Variants in OSBPL9 observed in about 807,000 individuals in gnomAD.
OSBPL9 encodes the protein oxysterol binding protein like 9.
In OSBPL9, 40 loss-of-function variants were observed where a neutral mutation model predicts 106.6. That is an observed-to-expected ratio of 0.38 (90% confidence interval 0.29 to 0.49). The LOEUF (loss-of-function observed/expected upper bound fraction) is 0.49. Among genes scored for constraint, OSBPL9 ranks in the 20% least tolerant of loss-of-function variants. The pLI is 0.97. For missense variants in OSBPL9, 609 were observed against 887.2 expected (o/e 0.69, Z 3.98); for synonymous variants, 269 against 295.4 (o/e 0.91, Z 0.92).
chr1:51,571,744 G>A, the OSBPL9 span, among the ~76,000 whole-genome samples: 1 of 152,292 alleles, frequency 6.6e-6, no homozygotes. Flanking sequence ...AACCAGGGAA[G>A]ACTTCACGGA....
At chr1:51,577,934 G>A (rs1645196002) in intron 1 of OSBPL9, among the ~76,000 whole-genome samples, 1 of 152,164 alleles carries the variant, frequency 6.6e-6, no homozygotes. Context: ...GAAATCACGT[G>A]TGAGAAAAGC....
intron 6 of OSBPL9, among the ~76,000 whole-genome samples, chr1:51,747,398 A>G (rs1668210305): frequency 6.6e-6 from 1 of 152,264 alleles, no homozygotes. Context: ...CCAACCAGCA[A>G]GAATGTTCAG....
intron 5 of OSBPL9, 121 bp from the exon 6 acceptor site, chr1:51,746,589 C>A: frequency 2.3e-4 from 133 of 574,660 alleles, no homozygotes; most frequent in East Asian, 3.8e-4. Flanking sequence ...TTGAAAATAA[C>A]ATATAAATCA....
chr1:51,536,159 C>T, the OSBPL9 span, among the ~76,000 whole-genome samples: 8 of 152,122 alleles, frequency 5.3e-5, no homozygotes, highest in Admixed American at 5.2e-4. Flanking sequence ...TGACATAGTG[C>T]TTATATACAG....
At chr1:51,768,900 A>G (rs1032552979) in intron 12 of OSBPL9, among the ~76,000 whole-genome samples, 8 of 152,166 alleles carry the variant, frequency 5.3e-5, no homozygotes, top group African/African-American at 9.7e-5. Flanking sequence ...TTTATGTCCA[A>G]CTAACCCACT....
Position 51,706,536 on chromosome 1 carries a change from C to T in OSBPL9, c.242-7467C>T, listed in dbSNP as rs1273416599. 4.0e-5 allele frequency among the ~76,000 whole-genome samples: 6 copies of T among 151,864 alleles called. No individual in the cohort carries two copies. In the East Asian group the frequency reaches 1.2e-3, roughly 29 times the overall value. ...ATTTCATTAGTTATTTTTAGGTAAC[C>T]AACTTAGGCTTTAGTGACCTATCTA... On this transcript the variant is annotated intron_variant, in intron 3 of 23. Coordinates refer to ENST00000428468, the MANE Select transcript of OSBPL9 (RefSeq NM_024586.6).
rs1295243705 is a variant in OSBPL9, at chr1:51,717,861, A to T, written c.318+3782A>T. On this transcript the variant is annotated intron_variant, in intron 4 of 23. Coordinates refer to ENST00000428468, the MANE Select transcript of OSBPL9 (RefSeq NM_024586.6). ...TAATCCAGCAATCCCACTGCTAGGT[A>T]TATATCCAAAAGAAAGGCAATCAAT... Among the ~76,000 whole-genome samples the T allele has an allele frequency of 2.0e-5, 3 of 152,190 alleles. No homozygotes were observed. The East Asian group carries it at 5.8e-4, about 29-fold the overall frequency.
At chr1:51,751,243 C>G (rs1188119381) in intron 8 of OSBPL9, among the ~76,000 whole-genome samples, 1 of 152,010 alleles carries the variant, frequency 6.6e-6, no homozygotes, top group Non-Finnish European at 1.5e-5. Flanking sequence ...TGCACCACCA[C>G]GCCTGGCTAA....
rs575709787 is a variant in OSBPL9, at chr1:51,711,327, G to A, written c.242-2676G>A. ...ACCTCCCGGACGGGGCGGCTGGCCG[G>A]GCAGGGGGCTGACCCCCCCACCTCC... On this transcript the variant is annotated intron_variant, in intron 3 of 23. Transcript: ENST00000428468. 4.4e-3 allele frequency among the ~76,000 whole-genome samples: 660 copies of A among 148,866 alleles called. 6 individuals carry two copies. The highest frequency in any genetic ancestry group is 8.0e-3 in the Non-Finnish European group (535 of 67,060).
chr1:51,643,659 TTTGC>T (rs1172428649), intron 1 of OSBPL9, among the ~76,000 whole-genome samples: 1 of 152,160 alleles, frequency 6.6e-6, no homozygotes, highest in Non-Finnish European at 1.5e-5. Context: ...AGTACTTTTT[TTTGC>T]TTGCTTGCTT....
intron 1 of OSBPL9, among the ~76,000 whole-genome samples, chr1:51,629,124 A>G (rs1157789404): frequency 2.0e-5 from 3 of 152,154 alleles, no homozygotes; most frequent in Non-Finnish European, 4.4e-5. Context: ...TTTCATTCAT[A>G]TGTCACTGCT....
At chr1:51,558,078 A>G in the OSBPL9 span, among the ~76,000 whole-genome samples, 1 of 152,194 alleles carries the variant, frequency 6.6e-6, no homozygotes, top group African/African-American at 2.4e-5. Flanking sequence ...CAGGAGATCA[A>G]GACCATCCTG....
In OSBPL9 at chr1:51,587,395, A is replaced by C. The variant is rs558633979; in HGVS notation, c.-423+10139A>C. ...AAAAAAAAGAAGAAGAAGAAATCTG[A>C]AACTCGAACACCCATTTCCACCCAC... is the stretch of plus-strand genomic sequence containing the variant. On this transcript the variant is annotated intron_variant, in intron 1 of 25. Transcript: ENST00000371714. 4.6e-5 allele frequency among the ~76,000 whole-genome samples: 7 copies of C among 152,256 alleles called. No homozygotes were observed. The East Asian group carries it at 1.3e-3, about 29-fold the overall frequency.
At chr1:51,712,192 C>T (rs1442518052) in intron 3 of OSBPL9, among the ~76,000 whole-genome samples, 1 of 152,254 alleles carries the variant, frequency 6.6e-6, no homozygotes, top group Non-Finnish European at 1.5e-5. Flanking sequence ...TGGCGGATCA[C>T]TCGCGGTTAG....
intron 2 of OSBPL9, among the ~76,000 whole-genome samples, chr1:51,601,465 G>C (rs1645324995): frequency 6.6e-6 from 1 of 152,174 alleles, no homozygotes. Flanking sequence ...TCCTGCTCAG[G>C]TCTCCCTCTT....
chr1:51,597,421 A>ATGTG (rs1358733253), intron 1 of OSBPL9, among the ~76,000 whole-genome samples: 1 of 100,440 alleles, frequency 1.0e-5, no homozygotes, highest in African/African-American at 3.1e-5. Context: ...ATATATATAT[A>ATGTG]TATGTGTGTG....
the OSBPL9 span, among the ~76,000 whole-genome samples, chr1:51,550,572 G>A: frequency 6.6e-6 from 1 of 152,178 alleles, no homozygotes; most frequent in African/African-American, 2.4e-5. Flanking sequence ...GAGTGCAGTT[G>A]TGCGATCTCG....
At chr1:51,712,130 A>G (rs561573566) in intron 3 of OSBPL9, among the ~76,000 whole-genome samples, 1 of 152,278 alleles carries the variant, frequency 6.6e-6, no homozygotes, top group South Asian at 2.1e-4. Context: ...ACCATTGAGC[A>G]CTGAGTGAAC....
chr1:51,677,832 A>T (rs1651640818), intron 3 of OSBPL9, among the ~76,000 whole-genome samples: 1 of 152,046 alleles, frequency 6.6e-6, no homozygotes, highest in Non-Finnish European at 1.5e-5. Flanking sequence ...TACAGATGTG[A>T]GCCACTGTGC....
Sources: allele counts gnomAD v4.1 joint callset (sites outside exome capture counted in the v4.1 genomes callset), GRCh38; gene constraint gnomAD v4.1.1; transcripts MANE v1.5; gene names NCBI Gene and HGNC (gene_info 2026-07-23, HGNC 2026-07-21).